The following TJP1 variants were observed in gnomAD, a reference collection of about 807,000 sequenced individuals.
TJP1 encodes tight junction protein 1, also known as tight junction protein ZO-1.
TJP1 carries 43 observed loss-of-function variants against 194.2 expected under a neutral mutation model. That is an observed-to-expected ratio of 0.22 (90% confidence interval 0.17 to 0.29). The LOEUF (loss-of-function observed/expected upper bound fraction) is 0.29. Among genes scored for constraint, TJP1 ranks in the 10% least tolerant of loss-of-function variants. The pLI is 1.00. For missense variants in TJP1, 1,971 were observed against 2,185.7 expected (o/e 0.90, Z 1.96); for synonymous variants, 801 against 779.0 (o/e 1.03, Z -0.47).
intron 2 of TJP1, among the ~76,000 whole-genome samples, chr15:29,775,639 A>G (rs2046969170): frequency 6.6e-6 from 1 of 151,954 alleles, no homozygotes; most frequent in African/African-American, 2.4e-5. Context: ...ACAAAACCAT[A>G]CACTCATCAT....
chr15:29,915,974 T>A (rs182819414), intron 2 of TJP1, among the ~76,000 whole-genome samples: 5 of 152,292 alleles, frequency 3.3e-5, no homozygotes, highest in South Asian at 2.1e-4. Context: ...TTAAAACTGA[T>A]GCTTTAAAAT....
Position 29,860,026 on chromosome 15 carries a change from A to G in TJP1, c.307-59324T>C, listed in dbSNP as rs934202899. Among the ~76,000 whole-genome samples, 5 of 152,292 alleles carry G rather than the reference A, an allele frequency of 3.3e-5. No homozygotes were observed. The East Asian group carries it at 7.7e-4, about 24-fold the overall frequency. Reference sequence around the variant, plus strand: ...CGGGTTCAAAGCCACTTCCTCAAACAGGAGCTGTGGGTGGGAGCCTCCACA... The same window carrying G: ...CGGGTTCAAAGCCACTTCCTCAAACGGGAGCTGTGGGTGGGAGCCTCCACA... On this transcript the variant is annotated intron_variant, in intron 2 of 28. Coordinates refer to the TJP1 transcript ENST00000356107.
chr15:29,914,611 C>T lies in TJP1; in HGVS notation c.306+41621G>A, dbSNP rs573454303. On this transcript the variant is annotated intron_variant, in intron 2 of 28. Coordinates refer to the TJP1 transcript ENST00000356107. Reference sequence around the variant, plus strand: ...GCCCTGTGCAGAAAGAACCCCACGGCCAGGGAGGGAGGCTCCAGGGAACAT... The same window carrying T: ...GCCCTGTGCAGAAAGAACCCCACGGTCAGGGAGGGAGGCTCCAGGGAACAT... Among the ~76,000 whole-genome samples, 5 of 152,092 alleles carry T rather than the reference C, an allele frequency of 3.3e-5. No individual in the cohort carries two copies. In the South Asian group the frequency reaches 1.0e-3, roughly 32 times the overall value.
chr15:29,766,083 T>A (rs755736472), intron 5 of TJP1, among the ~76,000 whole-genome samples, 183 bp downstream of exon 5: 1 of 152,244 alleles, frequency 6.6e-6, no homozygotes, highest in African/African-American at 2.4e-5. Flanking sequence ...TGAAGTGTTA[T>A]CTGTTCCAAC....
At chr15:29,888,844 G>A (rs1379679476) in intron 2 of TJP1, among the ~76,000 whole-genome samples, 4 of 152,162 alleles carry the variant, frequency 2.6e-5, no homozygotes, top group South Asian at 2.1e-4. Flanking sequence ...AGAGGAATGC[G>A]GGATGGCATC....
At chr15:29,822,839 G>C (rs954724403), upstream of TJP1, 3 of 152,412 alleles carry the variant, frequency 2.0e-5, no homozygotes, top group Admixed American at 1.3e-4. Flanking sequence ...CGGCAGAGCC[G>C]ATACCCGACA....
chr15:29,905,350 G>C (rs1414934222), intron 2 of TJP1, among the ~76,000 whole-genome samples: 1 of 152,132 alleles, frequency 6.6e-6, no homozygotes, highest in Admixed American at 6.5e-5. Context: ...TCCTCACAGG[G>C]TTAAAACTGG....
At chr15:29,957,198 T>C (rs569946551) in intron 1 of TJP1, among the ~76,000 whole-genome samples, 1 of 152,300 alleles carries the variant, frequency 6.6e-6, no homozygotes, top group South Asian at 2.1e-4. Flanking sequence ...TAGCAAATAG[T>C]ATAAGCCATC....
chr15:29,824,887 TTA>T (rs1173485565), upstream of TJP1, among the ~76,000 whole-genome samples: 1 of 152,196 alleles, frequency 6.6e-6, no homozygotes, highest in Non-Finnish European at 1.5e-5. Context: ...TTTAACAGTT[TTA>T]TCTTTGCCAT....
At chr15:29,795,286 G>C (rs2048332936) in intron 2 of TJP1, among the ~76,000 whole-genome samples, 1 of 151,844 alleles carries the variant, frequency 6.6e-6, no homozygotes, top group Non-Finnish European at 1.5e-5. Context: ...TAGCCAGGCT[G>C]GTGGTGCATG....
chr15:29,816,887 G>A (rs182382411), intron 1 of TJP1, among the ~76,000 whole-genome samples: 240 of 152,270 alleles, frequency 1.6e-3, no homozygotes, highest in Middle Eastern at 6.8e-3. Context: ...TACCATTCAG[G>A]ACATAGGCAT....
At chr15:29,920,161 T>G (rs2054310976) in intron 2 of TJP1, among the ~76,000 whole-genome samples, 1 of 152,190 alleles carries the variant, frequency 6.6e-6, no homozygotes, top group African/African-American at 2.4e-5. Flanking sequence ...TTAGTTACAG[T>G]ACGAACTCTC....
At chr15:29,968,840 A>G (rs1182943525) in exon 1 of TJP1, 3 of 927,038 alleles carry the variant, frequency 3.2e-6, no homozygotes, top group Non-Finnish European at 4.3e-6. Context: ...GGCGCCGCAT[A>G]GATCAGCTCT....
chr15:29,827,387 G>A (rs181977974), upstream of TJP1, among the ~76,000 whole-genome samples: 144 of 152,296 alleles, frequency 9.5e-4, no homozygotes, highest in African/African-American at 3.4e-3. Flanking sequence ...CTGACCGTCT[G>A]TACTTGCTCT....
At chr15:29,904,024 A>C (rs1490671825) in intron 2 of TJP1, among the ~76,000 whole-genome samples, 1 of 152,162 alleles carries the variant, frequency 6.6e-6, no homozygotes, top group Non-Finnish European at 1.5e-5. Context: ...GCTGGGTGTG[A>C]GGGCTAAAAA....
chr15:29,929,239 G>C (rs1367796949), intron 2 of TJP1, among the ~76,000 whole-genome samples: 4 of 152,120 alleles, frequency 2.6e-5, no homozygotes, highest in Non-Finnish European at 5.9e-5. Flanking sequence ...TCATAGGTCA[G>C]AGATGAAACC....
At chr15:29,761,008 G>T in intron 8 of TJP1, 131 bp downstream of exon 8, 3 of 1,182,918 alleles carry the variant, frequency 2.5e-6, no homozygotes, top group East Asian at 2.7e-5. Context: ...AAATGTCTAA[G>T]TTGAGAAAAA....
intron 2 of TJP1, among the ~76,000 whole-genome samples, chr15:29,798,481 C>T (rs1027080755): frequency 1.2e-4 from 18 of 151,994 alleles, no homozygotes; most frequent in South Asian, 2.1e-4. Flanking sequence ...CGTCATCACT[C>T]GAAAAGTTTT....
At chr15:29,742,545 GAAT>G in intron 9 of TJP1, 94 bp downstream of exon 9, 1 of 1,346,704 alleles carries the variant, frequency 7.4e-7, no homozygotes, top group African/African-American at 1.5e-5. Context: ...CACATGAGAA[GAAT>G]AATAATTGCA....
Sources: allele counts gnomAD v4.1 joint callset (sites outside exome capture counted in the v4.1 genomes callset), GRCh38; gene constraint gnomAD v4.1.1; transcripts MANE v1.5; gene names NCBI Gene and HGNC (gene_info 2026-07-23, HGNC 2026-07-21).